Variants in DPH6 observed in about 807,000 individuals in gnomAD.
DPH6 encodes diphthine--ammonia ligase.
DPH6 carries 33 observed loss-of-function variants against 38.2 expected under a neutral mutation model. The observed-to-expected ratio is 0.86, with a 90% CI of 0.65 to 1.15. The LOEUF is 1.15. DPH6 is among the 50% of genes most tolerant of loss of function. The pLI is 0.00. For missense variants in DPH6, 325 were observed against 320.0 expected, an observed-to-expected ratio of 1.02 and a Z score of -0.12; for synonymous variants, 108 against 103.0, an observed-to-expected ratio of 1.05 and a Z score of -0.30.
downstream of DPH6, among the ~76,000 whole-genome samples, chr15:35,328,117 A>G (rs1164737901): frequency 6.6e-6 from 1 of 152,184 alleles, no homozygotes; most frequent in East Asian, 1.9e-4. Flanking sequence ...CTATATATAT[A>G]TATAAATTAA....
chr15:35,492,978 C>G (rs941048535), intron 3 of DPH6, among the ~76,000 whole-genome samples: 5 of 152,102 alleles, frequency 3.3e-5, no homozygotes, highest in Non-Finnish European at 5.9e-5. Context: ...GCCAAATGTA[C>G]AAATTACTTT....
At chr15:35,314,515 A>T (rs1371939054) in intron 3 of DPH6, among the ~76,000 whole-genome samples, 1 of 152,214 alleles carries the variant, frequency 6.6e-6, no homozygotes, top group Non-Finnish European at 1.5e-5. Flanking sequence ...AACTGCTAAC[A>T]AATGTCCAGT....
intron 3 of DPH6, among the ~76,000 whole-genome samples, chr15:35,536,279 CAATATATTTCTGATATTTATGTCCTT>C (rs2055167871): frequency 6.6e-6 from 1 of 151,818 alleles, no homozygotes; most frequent in South Asian, 2.1e-4. Flanking sequence ...TCCATAAAAG[CAATATATTTCTGATATTTATGTCCTT>C]AAAATATCCT....
chr15:35,240,270 G>A (rs2051588325), intron 3 of DPH6, among the ~76,000 whole-genome samples: 1 of 143,108 alleles, frequency 7.0e-6, no homozygotes, highest in African/African-American at 2.5e-5. Context: ...ATGGGCAAAT[G>A]GTCTGAGGTG....
chr15:35,462,058 C>G (rs1302114268), intron 3 of DPH6, among the ~76,000 whole-genome samples: 1 of 152,104 alleles, frequency 6.6e-6, no homozygotes, highest in Non-Finnish European at 1.5e-5. Flanking sequence ...ACTTTAGATT[C>G]ACTCATGATT....
intron 3 of DPH6, among the ~76,000 whole-genome samples, chr15:35,314,536 T>C (rs897931662): frequency 4.6e-5 from 7 of 152,136 alleles, no homozygotes; most frequent in African/African-American, 1.4e-4. Context: ...GCAGTGGTGG[T>C]TCGAGAAGTT....
chr15:35,336,795 C>G (rs1379997961), intron 3 of DPH6, among the ~76,000 whole-genome samples: 2 of 152,096 alleles, frequency 1.3e-5, no homozygotes, highest in Non-Finnish European at 2.9e-5. Flanking sequence ...AGGGATGAAG[C>G]CCACTTGATC....
the DPH6 span, among the ~76,000 whole-genome samples, chr15:35,155,575 G>A: frequency 4.6e-5 from 7 of 152,196 alleles, no homozygotes; most frequent in Non-Finnish European, 1.0e-4. Context: ...GGGAGACTAC[G>A]CATCTCCAGG....
At chr15:35,246,977 G>A (rs1265229385) in intron 3 of DPH6, among the ~76,000 whole-genome samples, 1 of 152,148 alleles carries the variant, frequency 6.6e-6, no homozygotes, top group Admixed American at 6.5e-5. Flanking sequence ...GCGAGAATAT[G>A]ATCATGTAGT....
chr15:35,295,105 G>C lies in DPH6; in HGVS notation n.201-74523C>G, dbSNP rs189509805. 2.0e-5 allele frequency among the ~76,000 whole-genome samples: 3 copies of C among 152,244 alleles called. No homozygotes were observed. The East Asian group carries it at 5.8e-4, about 29-fold the overall frequency. On this transcript the variant is annotated intron_variant and non_coding_transcript_variant, in intron 3 of 3. Coordinates refer to the DPH6 transcript ENST00000560386. ...GATCTCACCTCTACGAACTAGCTAA[G>C]AAACCAAGCCTGTGAAGAAGGCTAA...
At chr15:35,478,421 T>C (rs1249627416) in intron 3 of DPH6, among the ~76,000 whole-genome samples, 5 of 149,976 alleles carry the variant, frequency 3.3e-5, no homozygotes, top group African/African-American at 1.2e-4. Flanking sequence ...TGTAAAAATA[T>C]GCAGTGGATT....
chr15:35,336,887 G>C (rs1350329556), intron 3 of DPH6, among the ~76,000 whole-genome samples: 1 of 152,072 alleles, frequency 6.6e-6, no homozygotes, highest in East Asian at 1.9e-4. Flanking sequence ...TGTTCATCAA[G>C]GATATTGGTC....
At chr15:35,421,101 G>A (rs1263832727) in intron 5 of DPH6, among the ~76,000 whole-genome samples, 3 of 152,054 alleles carry the variant, frequency 2.0e-5, no homozygotes, top group African/African-American at 7.2e-5. Context: ...AAAGAAGCTG[G>A]AAATCTGAAC....
At chr15:35,284,694 G>T (rs2140439662) in intron 3 of DPH6, among the ~76,000 whole-genome samples, 1 of 150,736 alleles carries the variant, frequency 6.6e-6, no homozygotes, top group South Asian at 2.1e-4. Context: ...GACTTCAGGG[G>T]TTGCATGGCA....
chr15:35,431,566 A>G (rs2054667128), intron 5 of DPH6, among the ~76,000 whole-genome samples: 1 of 152,150 alleles, frequency 6.6e-6, no homozygotes, highest in Admixed American at 6.5e-5. Context: ...AGAGGCTATA[A>G]AGACCCAAAT....
chr15:35,173,622 C>A, the DPH6 span, among the ~76,000 whole-genome samples: 1 of 152,002 alleles, frequency 6.6e-6, no homozygotes, highest in East Asian at 1.9e-4. Context: ...AACTTCTTAG[C>A]ATGACTCATC....
At chr15:35,236,207 G>A (rs2051549800) in intron 3 of DPH6, among the ~76,000 whole-genome samples, 1 of 152,166 alleles carries the variant, frequency 6.6e-6, no homozygotes, top group Non-Finnish European at 1.5e-5. Flanking sequence ...CATATAAGTA[G>A]TCAAAAAGTA....
At chr15:35,161,027 T>C in the DPH6 span, among the ~76,000 whole-genome samples, 2,502 of 151,872 alleles carry the variant, frequency 0.016, 61 homozygotes, top group African/African-American at 0.058. Context: ...CATTAGGAGA[T>C]ATACCTAATG....
At chr15:35,237,905 G>A (rs1312533595) in intron 3 of DPH6, 1 of 1,417,378 alleles carries the variant, frequency 7.1e-7, no homozygotes, top group African/African-American at 1.4e-5. Flanking sequence ...GGAGGAGGAA[G>A]GTGAAGAGGA....
Sources: gnomAD v4.1 joint callset for allele counts (sites outside exome capture counted in the v4.1 genomes callset) on GRCh38, gnomAD v4.1.1 for gene constraint, MANE v1.5 for transcripts, NCBI Gene and HGNC (gene_info 2026-07-23, HGNC 2026-07-21) for gene names.